The following BCLAF1 variants were observed in gnomAD, a reference collection of about 807,000 sequenced individuals.
BCLAF1 encodes the protein bcl-2-associated transcription factor 1.
Under a neutral mutation model 99.5 loss-of-function variants are expected in BCLAF1, and 10 were observed. That is an observed-to-expected ratio of 0.10 (90% CI 0.06 to 0.17). BCLAF1 has a LOEUF of 0.17. Ranked by LOEUF, BCLAF1 falls within the 10% of genes least tolerant of loss-of-function variation. BCLAF1 has a pLI of 1.00. For synonymous variants in BCLAF1, 255 were observed against 370.9 expected (o/e 0.69, Z 3.59); for missense variants, 636 against 1,105.8 (o/e 0.58, Z 6.02).
intron 11 of BCLAF1, among the ~76,000 whole-genome samples, chr6:136,263,296 A>C (rs1306656944): frequency 6.6e-6 from 1 of 152,168 alleles, no homozygotes; most frequent in Non-Finnish European, 1.5e-5. Context: ...CAGGTAGCTA[A>C]GAGTTAGCAG....
Position 136,276,306 on chromosome 6 carries a change from C to A in BCLAF1, c.1219G>T (p.Asp407Tyr), listed in dbSNP as rs768511476. ...SEGDDTEETE[D>Y]YRQFRKSVLA... is the part of the protein sequence containing the mutation. ...ACTGACTTCCTGAACTGTCTATAAT[C>A]CTCTGTCTCCTCTGTGTCATCCCCT... The change falls in exon 5 of 13, where the codon GAT becomes TAT. Residue 407 changes from aspartate (D) to tyrosine (Y), a missense_variant. By Grantham distance (160) the Asp-to-Tyr change is radical. This residue lies in a region of BCLAF1 where 186 missense variants were observed against 275.3 expected (regional missense o/e 0.68). Transcript: ENST00000531224. 6.4e-7 allele frequency: 1 copy of A among 1,568,432 alleles called. No individual in the cohort carries two copies. Among genetic ancestry groups the A allele is most frequent in the East Asian group, 2.2e-5 (1 of 44,504 alleles).
At chr6:136,267,269 G>T in intron 10 of BCLAF1, 94 bp from the exon 11 acceptor site, 2 of 1,352,864 alleles carry the variant, frequency 1.5e-6, no homozygotes, top group Non-Finnish European at 2.0e-6. Context: ...AAAAACATAT[G>T]CCCTAATTTC....
chr6:136,269,757 T>G, intron 8 of BCLAF1, 145 bp from the exon 9 acceptor site: 1 of 528,416 alleles, frequency 1.9e-6, no homozygotes, highest in Admixed American at 3.9e-5. Flanking sequence ...ATACTATCAC[T>G]TAGTTTTTGT....
chr6:136,271,646 C>T (rs576040424), intron 8 of BCLAF1, among the ~76,000 whole-genome samples: 22 of 151,868 alleles, frequency 1.4e-4, no homozygotes, highest in Non-Finnish European at 1.3e-4. Flanking sequence ...ACACACAAAT[C>T]GAGAAATATT....
chr6:136,283,341 G>A (rs1784635719), intron 1 of BCLAF1, among the ~76,000 whole-genome samples: 1 of 151,858 alleles, frequency 6.6e-6, no homozygotes, highest in South Asian at 2.1e-4. Context: ...TTAAATCCAC[G>A]TTAACAGCCA....
intron 6 of BCLAF1, 141 bp downstream of exon 6, chr6:136,275,391 G>T: frequency 1.3e-6 from 1 of 785,248 alleles, no homozygotes; most frequent in Non-Finnish European, 1.8e-6. Flanking sequence ...TCTCTTCTAT[G>T]AAACTACTTT....
rs141173428 is a variant in BCLAF1 at position 136,278,253 on chromosome 6, C to T, written c.628G>A (p.Gly210Ser). The T allele has an allele frequency of 1.6e-4, 262 of 1,603,494 alleles. No individual in the cohort carries two copies. The highest frequency in any genetic ancestry group is 3.4e-4 in the Admixed American group (20 of 59,600). ...GCTGAAAGGCCAGGCCAAATATCAC[C>T]GGATGTGGCTGATGACTTATTAAAT... ...DEFNKSSATS[G>S]DIWPGLSAYD... is the part of the protein sequence containing the mutation. Residue 210 changes from glycine to serine, a missense_variant, in exon 4 of 13, where the codon GGT (glycine) becomes AGT (serine). By Grantham distance (56) the Gly-to-Ser change is moderately conservative (BLOSUM62 0). Transcript: ENST00000531224.
At chr6:136,272,503 C>T (rs1392525502) in intron 7 of BCLAF1, among the ~76,000 whole-genome samples, 1 of 151,918 alleles carries the variant, frequency 6.6e-6, no homozygotes, top group Non-Finnish European at 1.5e-5. Context: ...TGCAACTACC[C>T]AGTGCTTCTT....
intron 11 of BCLAF1, among the ~76,000 whole-genome samples, chr6:136,263,894 C>T (rs1386524176): frequency 6.6e-6 from 1 of 152,108 alleles, no homozygotes; most frequent in Non-Finnish European, 1.5e-5. Flanking sequence ...TTGCATAAAA[C>T]AAAGCTTAGA....
At chr6:136,272,182 A>G in intron 7 of BCLAF1, 103 bp from the exon 8 acceptor site, 4 of 779,034 alleles carry the variant, frequency 5.1e-6, no homozygotes, top group Non-Finnish European at 8.1e-6. Flanking sequence ...TTCTCTCCCA[A>G]TCAACTAATT....
intron 11 of BCLAF1, 140 bp from the exon 12 acceptor site, chr6:136,261,617 C>T: frequency 2.3e-6 from 2 of 855,984 alleles, no homozygotes; most frequent in Middle Eastern, 2.3e-4. Context: ...TAAAACAAAA[C>T]CAGTAAAACT....
At chr6:136,283,455 C>T (rs1784649779) in intron 1 of BCLAF1, among the ~76,000 whole-genome samples, 1 of 152,150 alleles carries the variant, frequency 6.6e-6, no homozygotes, top group South Asian at 2.1e-4. Context: ...AGTCAATATT[C>T]TTCCTAAAAT....
Position 136,276,311 on chromosome 6 carries a change from G to A in BCLAF1, c.1214C>T (p.Thr405Ile). 1.3e-6 allele frequency: 2 copies of A among 1,570,218 alleles called. No homozygotes were observed. The highest frequency in any genetic ancestry group is 1.4e-5 in the African/African-American group (1 of 72,918). ...NDSEGDDTEE[T>I]EDYRQFRKSV... is the part of the protein sequence containing the mutation. ...CTTCCTGAACTGTCTATAATCCTCT[G>A]TCTCCTCTGTGTCATCCCCTTCTGA... The change falls in exon 5 of 13, where the codon ACA (threonine) becomes ATA (isoleucine). Residue 405 changes from threonine (T) to isoleucine (I), a missense_variant. By Grantham distance (89) the Thr-to-Ile change is moderately conservative. Coordinates refer to ENST00000531224, the MANE Select transcript of BCLAF1 (RefSeq NM_014739.3).
intron 8 of BCLAF1, 45 bp from the exon 9 acceptor site, chr6:136,269,657 A>G: frequency 6.9e-7 from 1 of 1,441,988 alleles, no homozygotes; most frequent in Non-Finnish European, 9.3e-7. Flanking sequence ...GGAGAAATAG[A>G]AAAAATATAT....
chr6:136,279,309 T>C (rs1784046125), intron 3 of BCLAF1, among the ~76,000 whole-genome samples: 1 of 152,174 alleles, frequency 6.6e-6, no homozygotes, highest in Non-Finnish European at 1.5e-5. Context: ...TTCTGTTTTC[T>C]ATGCTAAGTA....
At chr6:136,283,689 A>G (rs931752429) in intron 1 of BCLAF1, among the ~76,000 whole-genome samples, 1 of 152,206 alleles carries the variant, frequency 6.6e-6, no homozygotes, top group African/African-American at 2.4e-5. Context: ...CCAATTTTAA[A>G]AATAAAACGA....
intron 5 of BCLAF1, 32 bp from the exon 6 acceptor site, chr6:136,275,733 A>C: frequency 2.6e-6 from 4 of 1,563,402 alleles, no homozygotes; most frequent in South Asian, 1.2e-5. Context: ...CACACACACA[A>C]AATATACCAT....
At chr6:136,289,547 C>G (rs1385538865) in intron 1 of BCLAF1, among the ~76,000 whole-genome samples, 166 bp downstream of exon 1, 1 of 152,196 alleles carries the variant, frequency 6.6e-6, no homozygotes, top group Non-Finnish European at 1.5e-5. Context: ...CGTAGTGCCT[C>G]GAAAACCTGA....
At chr6:136,279,584 A>C in intron 3 of BCLAF1, 179 bp downstream of exon 3, 64 of 572,746 alleles carry the variant, frequency 1.1e-4, no homozygotes, top group Non-Finnish European at 1.4e-4. Context: ...GCCATTTACT[A>C]GAGCTTGTTA....
Sources: gnomAD v4.1 joint callset for allele counts (sites outside exome capture counted in the v4.1 genomes callset) on GRCh38, gnomAD v4.1.1 for gene constraint, gnomAD v4.1.1 regional missense constraint, MANE v1.5 for transcripts, NCBI Gene and HGNC (gene_info 2026-07-23, HGNC 2026-07-21) for gene names.